Variants in RSU1 observed in about 807,000 individuals in gnomAD.
RSU1 encodes Ras suppressor protein 1.
Under a neutral mutation model 31.1 loss-of-function variants are expected in RSU1, and 26 were observed. The observed-to-expected ratio is 0.84, with a 90% confidence interval of 0.61 to 1.16. RSU1 has a LOEUF of 1.16. Ranked by LOEUF, RSU1 falls within the 50% of genes most tolerant of loss-of-function variation. The probability of loss-of-function intolerance (pLI) is 0.00; values close to 1 mark genes in which losing one functional copy is unlikely to be tolerated. For missense variants in RSU1, 320 were observed against 339.1 expected (o/e 0.94, Z 0.44); for synonymous variants, 164 against 136.3 (o/e 1.20, Z -1.41).
chr10:16,793,299 G>T (rs1039490452), intron 2 of RSU1, among the ~76,000 whole-genome samples: 44 of 151,778 alleles, frequency 2.9e-4, no homozygotes, highest in African/African-American at 1.1e-3. Flanking sequence ...TAGATAAAGG[G>T]TCTATCAATC....
At chr10:16,753,039 G>C (rs1291274322) in intron 5 of RSU1, 39 bp from the exon 6 acceptor site, 1 of 1,511,240 alleles carries the variant, frequency 6.6e-7, no homozygotes, top group African/African-American at 1.4e-5. Flanking sequence ...GGGTGGCATG[G>C]AACACAACCA....
chr10:16,662,986 A>C (rs1834916165), intron 8 of RSU1, among the ~76,000 whole-genome samples: 1 of 151,722 alleles, frequency 6.6e-6, no homozygotes, highest in Admixed American at 6.6e-5. Context: ...AAAAAAAAAA[A>C]AAACCCTCTA....
intron 7 of RSU1, among the ~76,000 whole-genome samples, chr10:16,706,067 CAT>C (rs1835894515): frequency 6.6e-6 from 1 of 152,228 alleles, no homozygotes; most frequent in Non-Finnish European, 1.5e-5. Flanking sequence ...GCTGCATTCA[CAT>C]TTTAGCTACT....
intron 7 of RSU1, among the ~76,000 whole-genome samples, chr10:16,703,583 C>A (rs1330429211): frequency 1.3e-5 from 2 of 151,990 alleles, no homozygotes; most frequent in East Asian, 3.9e-4. Flanking sequence ...ATGAGACACT[C>A]AGAGCATGGT....
chr10:16,743,914 T>G (rs1836798903), intron 7 of RSU1, among the ~76,000 whole-genome samples: 1 of 152,084 alleles, frequency 6.6e-6, no homozygotes, highest in Non-Finnish European at 1.5e-5. Flanking sequence ...AAGGACGGCC[T>G]CAGCTCAGGA....
chr10:16,591,338 A>C lies in RSU1; in HGVS notation c.*2056T>G, dbSNP rs932474990. ...CTTGTGTATGCAATGCTATAAGGACAATTCCTAAACATTGCAGTTTGTGGG... is the reference window on the plus strand; with the variant it reads ...CTTGTGTATGCAATGCTATAAGGACCATTCCTAAACATTGCAGTTTGTGGG... On this transcript the variant is annotated 3_prime_UTR_variant, in exon 9 of 9. Transcript: ENST00000345264. 6.6e-6 allele frequency: 1 copy of C among 152,208 alleles called. No homozygotes were observed. The highest frequency in any genetic ancestry group is 6.5e-5 in the Admixed American group (1 of 15,278). 9.4% of individuals were successfully genotyped at this position (152,208 alleles called of 1,614,324 possible).
At chr10:16,684,919 C>T (rs1245421876) in intron 8 of RSU1, among the ~76,000 whole-genome samples, 2 of 152,122 alleles carry the variant, frequency 1.3e-5, no homozygotes, top group African/African-American at 2.4e-5. Context: ...AAAGTATGTG[C>T]ATTTTGACAA....
chr10:16,814,836 G>GGTAT (rs1554777426), intron 2 of RSU1, among the ~76,000 whole-genome samples: 4 of 151,780 alleles, frequency 2.6e-5, no homozygotes, highest in African/African-American at 9.7e-5. Context: ...GAAGCAAGTG[G>GGTAT]CTTTTCTTCC....
chr10:16,617,812 C>A (rs1003277185), intron 8 of RSU1, among the ~76,000 whole-genome samples: 1 of 152,204 alleles, frequency 6.6e-6, no homozygotes, highest in Non-Finnish European at 1.5e-5. Context: ...CCCTTCCTTA[C>A]ACCTTATACA....
At chr10:16,807,200 G>A (rs1204149952) in intron 2 of RSU1, among the ~76,000 whole-genome samples, 4 of 152,182 alleles carry the variant, frequency 2.6e-5, no homozygotes, top group African/African-American at 4.8e-5. Flanking sequence ...ACTAAGAGGC[G>A]AAACCTCCTT....
intron 8 of RSU1, among the ~76,000 whole-genome samples, chr10:16,692,981 G>A (rs760405100): frequency 6.6e-6 from 1 of 151,072 alleles, no homozygotes; most frequent in Non-Finnish European, 1.5e-5. Flanking sequence ...TCTTTTTTTT[G>A]GGATGGAATA....
At chr10:16,598,558 C>A (rs1564281304) in intron 8 of RSU1, among the ~76,000 whole-genome samples, 1 of 152,024 alleles carries the variant, frequency 6.6e-6, no homozygotes, top group South Asian at 2.1e-4. Context: ...AACAATCAAT[C>A]AAAAATAAAA....
chr10:16,611,448 C>T (rs1054851986), intron 8 of RSU1, among the ~76,000 whole-genome samples: 1 of 152,170 alleles, frequency 6.6e-6, no homozygotes, highest in African/African-American at 2.4e-5. Context: ...TTTAGAAATA[C>T]ACAACTGAAA....
chr10:16,703,903 C>T (rs1203840340), intron 7 of RSU1, among the ~76,000 whole-genome samples: 4 of 152,136 alleles, frequency 2.6e-5, no homozygotes, highest in Non-Finnish European at 4.4e-5. Flanking sequence ...TTGAAGCAGG[C>T]GTTCTCAAAC....
At chr10:16,716,029 C>T (rs2131584578) in intron 7 of RSU1, among the ~76,000 whole-genome samples, 1 of 152,284 alleles carries the variant, frequency 6.6e-6, no homozygotes, top group African/African-American at 2.4e-5. Context: ...TTTACACAGT[C>T]TTTAAAAAGA....
At chr10:16,648,124 AAAAAAAAATTTTTT>A (rs1834606773) in intron 8 of RSU1, among the ~76,000 whole-genome samples, 2 of 135,696 alleles carry the variant, frequency 1.5e-5, no homozygotes, top group African/African-American at 7.5e-5. Flanking sequence ...AATTTAAAAA[AAAAAAAAATTTTTT>A]TTTTTTTTTA....
intron 8 of RSU1, among the ~76,000 whole-genome samples, chr10:16,593,992 A>ATAAG (rs1421369655): frequency 6.6e-6 from 1 of 152,238 alleles, no homozygotes; most frequent in African/African-American, 2.4e-5. Context: ...TGCCACATTA[A>ATAAG]TAAGTACCGC....
chr10:16,701,586 C>T (rs1295998531), intron 7 of RSU1, among the ~76,000 whole-genome samples: 2 of 151,712 alleles, frequency 1.3e-5, no homozygotes, highest in African/African-American at 2.4e-5. Flanking sequence ...GGCTACTCTT[C>T]GGATCTAGTC....
At chr10:16,746,203 G>A (rs1321999325) in intron 7 of RSU1, among the ~76,000 whole-genome samples, 3 of 152,138 alleles carry the variant, frequency 2.0e-5, no homozygotes, top group African/African-American at 7.2e-5. Flanking sequence ...AAAATACTAT[G>A]CTTCTCATAG....
Sources: gnomAD v4.1 joint callset for allele counts (sites outside exome capture counted in the v4.1 genomes callset) on GRCh38, gnomAD v4.1.1 for gene constraint, MANE v1.5 for transcripts, NCBI Gene and HGNC (gene_info 2026-07-23, HGNC 2026-07-21) for gene names.